Variants in C1orf21 observed in about 807,000 individuals in gnomAD.
C1orf21 encodes the protein chromosome 1 open reading frame 21.
In C1orf21, 3 loss-of-function variants were observed where a neutral mutation model predicts 18.7. The observed-to-expected ratio is 0.16, with a 90% CI of 0.07 to 0.42. The LOEUF is 0.42. Ranked by LOEUF, C1orf21 falls within the 10% of genes least tolerant of loss-of-function variation. C1orf21 has a pLI of 0.99. For synonymous variants in C1orf21, 41 were observed against 46.4 expected, an observed-to-expected ratio of 0.88 and a Z score of 0.47; for missense variants, 104 against 143.6, an observed-to-expected ratio of 0.72 and a Z score of 1.41.
At chr1:184,411,920 C>T (rs1656362028) in intron 1 of C1orf21, 1 of 152,168 alleles carries the variant, frequency 6.6e-6, no homozygotes, top group African/African-American at 2.4e-5. Flanking sequence ...TATATTTAGA[C>T]ATTATTTGAT....
At chr1:184,483,581 A>T (rs181404781) in intron 2 of C1orf21, among the ~76,000 whole-genome samples, 17 of 152,198 alleles carry the variant, frequency 1.1e-4, no homozygotes, top group Admixed American at 7.2e-4. Context: ...CAGATCCTAT[A>T]AATCTCACTC....
chr1:184,566,080 T>A (rs1387531712), intron 3 of C1orf21, among the ~76,000 whole-genome samples: 1 of 152,114 alleles, frequency 6.6e-6, no homozygotes, highest in Non-Finnish European at 1.5e-5. Flanking sequence ...GGGTTATGAA[T>A]GCTTTTGAGG....
chr1:184,489,004 A>G (rs1657775215), intron 2 of C1orf21, among the ~76,000 whole-genome samples: 5 of 152,166 alleles, frequency 3.3e-5, no homozygotes, highest in Admixed American at 2.6e-4. Flanking sequence ...AGTACTACAA[A>G]AAACGCAAGT....
intron 1 of C1orf21, among the ~76,000 whole-genome samples, chr1:184,445,857 T>C (rs575030843): frequency 1.4e-4 from 21 of 152,340 alleles, no homozygotes; most frequent in African/African-American, 5.0e-4. Context: ...ATAACCTCTC[T>C]TTATTACCAT....
intron 1 of C1orf21, among the ~76,000 whole-genome samples, chr1:184,420,523 G>A (rs1490820983): frequency 6.6e-6 from 1 of 152,132 alleles, no homozygotes; most frequent in Admixed American, 6.6e-5. Context: ...CCTAAAGAAA[G>A]ACATCATTGC....
intron 1 of C1orf21, among the ~76,000 whole-genome samples, chr1:184,452,315 G>A (rs1286695005): frequency 6.6e-6 from 1 of 152,190 alleles, no homozygotes; most frequent in Non-Finnish European, 1.5e-5. Context: ...CACAGGCTGA[G>A]TGCAAAGCAC....
At chr1:184,422,647 CA>C (rs1345098924) in intron 1 of C1orf21, among the ~76,000 whole-genome samples, 1 of 152,206 alleles carries the variant, frequency 6.6e-6, no homozygotes, top group Non-Finnish European at 1.5e-5. Context: ...AAAAAATTTT[CA>C]GCACACTATT....
chr1:184,595,025 G>A (rs1350600677), intron 4 of C1orf21, among the ~76,000 whole-genome samples: 5 of 152,224 alleles, frequency 3.3e-5, no homozygotes, highest in Non-Finnish European at 7.3e-5. Flanking sequence ...GTCTCAGGAA[G>A]AAGAGTGTTT....
chr1:184,441,950 A>G (rs1253618365), intron 1 of C1orf21, among the ~76,000 whole-genome samples: 4 of 152,168 alleles, frequency 2.6e-5, no homozygotes, highest in African/African-American at 4.8e-5. Flanking sequence ...ATGTCACAGC[A>G]AACTCTTGGA....
chr1:184,505,340 T>C lies in C1orf21; in HGVS notation c.95-2248T>C, dbSNP rs2207520. Among the ~76,000 whole-genome samples, 424 of 118,680 alleles carry C rather than the reference T, an allele frequency of 3.6e-3. 3 individuals are homozygous for C. The highest frequency in any genetic ancestry group is 0.014 in the Middle Eastern group (3 of 218). 77.9% of individuals were successfully genotyped at this position (118,680 alleles called of 152,430 possible). On this transcript the variant is annotated intron_variant, in intron 2 of 5. Coordinates refer to ENST00000235307, the MANE Select transcript of C1orf21 (RefSeq NM_030806.4). ...ATATATATATATATATATATATATA[T>C]ACACACATGCCATATATATATAGAC...
At chr1:184,550,641 C>T (rs1381738140) in intron 3 of C1orf21, among the ~76,000 whole-genome samples, 1 of 152,150 alleles carries the variant, frequency 6.6e-6, no homozygotes, top group Non-Finnish European at 1.5e-5. Context: ...CTCAAACGAT[C>T]CTCCAACCTC....
At chr1:184,503,027 G>T (rs746413465) in intron 2 of C1orf21, among the ~76,000 whole-genome samples, 1 of 141,368 alleles carries the variant, frequency 7.1e-6, no homozygotes, top group African/African-American at 2.7e-5. Context: ...GCAGTGAGCC[G>T]TGATCATGCC....
At chr1:184,425,946 C>G (rs1032578779) in intron 1 of C1orf21, among the ~76,000 whole-genome samples, 1 of 152,220 alleles carries the variant, frequency 6.6e-6, no homozygotes, top group Non-Finnish European at 1.5e-5. Flanking sequence ...TCTTCCCCTT[C>G]AGGGAGGCTA....
chr1:184,499,802 T>C (rs112415850), intron 2 of C1orf21, among the ~76,000 whole-genome samples: 1 of 152,168 alleles, frequency 6.6e-6, no homozygotes, highest in African/African-American at 2.4e-5. Context: ...AAGAGAGTCA[T>C]GATACTGGCC....
intron 3 of C1orf21, among the ~76,000 whole-genome samples, chr1:184,564,447 A>G (rs1659006107): frequency 6.6e-6 from 1 of 152,110 alleles, no homozygotes; most frequent in African/African-American, 2.4e-5. Flanking sequence ...AGTTGGGACT[A>G]CAGGAATGCA....
At chr1:184,453,970 A>G (rs1657158509) in intron 1 of C1orf21, among the ~76,000 whole-genome samples, 1 of 152,260 alleles carries the variant, frequency 6.6e-6, no homozygotes, top group Non-Finnish European at 1.5e-5. Context: ...GCAAGAAACA[A>G]AGCATTATAT....
chr1:184,622,106 G>A lies in C1orf21; in HGVS notation c.*2550G>A, dbSNP rs1002681234. 3 of 151,840 alleles carry A rather than the reference G, an allele frequency of 2.0e-5. No homozygotes were observed. The highest frequency in any genetic ancestry group is 2.1e-4 in the South Asian group (1 of 4,822). The allele number at this position is 151,840 out of a possible 1,614,324, so 9.4% of individuals were successfully genotyped here. ...AAATATTTTGCCTTTTTTTCCCCAC[G>A]TGTATCTGAACATTAAGCAGATTGG... On this transcript the variant is annotated 3_prime_UTR_variant, in exon 6 of 6. Transcript: ENST00000235307.
At chr1:184,483,262 A>AG (rs1657683025) in intron 2 of C1orf21, among the ~76,000 whole-genome samples, 1 of 152,338 alleles carries the variant, frequency 6.6e-6, no homozygotes, top group South Asian at 2.1e-4. Context: ...GCTTGCAAAA[A>AG]GTAAGTGACC....
chr1:184,569,942 A>G (rs937463359), intron 3 of C1orf21, among the ~76,000 whole-genome samples: 2 of 152,204 alleles, frequency 1.3e-5, no homozygotes, highest in Admixed American at 6.5e-5. Flanking sequence ...TGAGTCTTCA[A>G]AAAGTAGCAT....
Sources: gnomAD v4.1 joint callset for allele counts (sites outside exome capture counted in the v4.1 genomes callset) on GRCh38, gnomAD v4.1.1 for gene constraint, MANE v1.5 for transcripts, NCBI Gene and HGNC (gene_info 2026-07-23, HGNC 2026-07-21) for gene names.